PCDH15: variants seen among roughly 807,000 people sequenced by gnomAD.
The protein encoded by PCDH15 is protocadherin-15.
PCDH15 carries 129 observed loss-of-function variants against 178.5 expected under a neutral mutation model. That is an observed-to-expected ratio of 0.72 (90% CI 0.63 to 0.84). PCDH15 has a LOEUF of 0.84. Ranked by LOEUF, PCDH15 falls within the 40% of genes least tolerant of loss-of-function variation. The pLI, the probability that PCDH15 is intolerant of heterozygous loss-of-function variation, is 0.00. For missense variants in PCDH15, 2,230 were observed against 2,099.9 expected, an observed-to-expected ratio of 1.06 and a Z score of -1.21; for synonymous variants, 800 against 732.0, an observed-to-expected ratio of 1.09 and a Z score of -1.50.
At chr10:55,324,276 A>T (rs1250138676), upstream of PCDH15, among the ~76,000 whole-genome samples, 2 of 152,138 alleles carry the variant, frequency 1.3e-5, no homozygotes, top group African/African-American at 2.4e-5. Flanking sequence ...TAAATGTCCC[A>T]ATTAAAAGTC....
intron 8 of PCDH15, among the ~76,000 whole-genome samples, chr10:54,238,411 A>G (rs1482221587): frequency 2.6e-5 from 4 of 152,052 alleles, no homozygotes; most frequent in African/African-American, 9.7e-5. Flanking sequence ...TTTAAACACC[A>G]TAGACATTGT....
At chr10:54,963,525 C>T (rs1438654574) in intron 2 of PCDH15, among the ~76,000 whole-genome samples, 1 of 152,106 alleles carries the variant, frequency 6.6e-6, no homozygotes, top group Non-Finnish European at 1.5e-5. Context: ...AAACAATTCA[C>T]TTGACTGAAG....
chr10:55,098,919 AGAG>A (rs1842512180), intron 2 of PCDH15, among the ~76,000 whole-genome samples: 1 of 147,152 alleles, frequency 6.8e-6, no homozygotes, highest in Non-Finnish European at 1.5e-5. Context: ...AGAGAGAGAG[AGAG>A]AGAGAGAGAG....
At chr10:54,587,158 T>G (rs998735747) in intron 2 of PCDH15, among the ~76,000 whole-genome samples, 10 of 151,454 alleles carry the variant, frequency 6.6e-5, no homozygotes, top group African/African-American at 2.5e-4. Context: ...TGGCATCATC[T>G]TTTTAAATGT....
chr10:53,924,278 G>C (rs1341465618), intron 25 of PCDH15, among the ~76,000 whole-genome samples: 1 of 152,220 alleles, frequency 6.6e-6, no homozygotes. Context: ...ACTCAGAGCG[G>C]CCGGCTGGCA....
chr10:55,156,231 T>C lies in PCDH15; in HGVS notation c.-80+10345A>G, dbSNP rs115568327. Among the ~76,000 whole-genome samples the C allele has an allele frequency of 3.6e-3, 541 of 152,302 alleles. 3 individuals are homozygous for C. The highest frequency in any genetic ancestry group is 0.013 in the African/African-American group (525 of 41,582). On this transcript the variant is annotated intron_variant, in intron 2 of 5. Coordinates refer to the PCDH15 transcript ENST00000458638. ...GGAATATTTAGCTTTAGGAGGTTTCTATCTTGTTAAAACTTTTGGAAAAAT... is the reference window on the plus strand; with the variant it reads ...GGAATATTTAGCTTTAGGAGGTTTCCATCTTGTTAAAACTTTTGGAAAAAT...
chr10:54,635,835 G>A (rs2093837884), intron 2 of PCDH15, among the ~76,000 whole-genome samples: 1 of 151,720 alleles, frequency 6.6e-6, no homozygotes, highest in South Asian at 2.1e-4. Flanking sequence ...ATCATTCAGA[G>A]GTGACCTCCA....
At chr10:54,170,729 G>C (rs948404196) in intron 13 of PCDH15, among the ~76,000 whole-genome samples, 14 of 151,886 alleles carry the variant, frequency 9.2e-5, no homozygotes, top group Admixed American at 6.6e-4. Flanking sequence ...CCCTGATCAC[G>C]CTTGATTTAT....
At chr10:54,379,985 G>T (rs887522474) in intron 3 of PCDH15, among the ~76,000 whole-genome samples, 1 of 151,968 alleles carries the variant, frequency 6.6e-6, no homozygotes, top group African/African-American at 2.4e-5. Context: ...AGTATCTGTT[G>T]CATTTTCTTA....
chr10:54,044,681 A>G (rs1432361294), intron 18 of PCDH15, among the ~76,000 whole-genome samples: 1 of 152,124 alleles, frequency 6.6e-6, no homozygotes, highest in Admixed American at 6.6e-5. Flanking sequence ...AAGTGCAAAG[A>G]TCTATAAGGA....
At chr10:54,993,770 T>C (rs1257313843) in intron 2 of PCDH15, among the ~76,000 whole-genome samples, 1 of 152,084 alleles carries the variant, frequency 6.6e-6, no homozygotes, top group African/African-American at 2.4e-5. Context: ...GAATTAGTAA[T>C]ACAGAAATGA....
At chr10:54,362,625 C>G (rs895837875) in intron 5 of PCDH15, among the ~76,000 whole-genome samples, 1 of 151,894 alleles carries the variant, frequency 6.6e-6, no homozygotes, top group Non-Finnish European at 1.5e-5. Flanking sequence ...CACTTGGGAC[C>G]CTTTGCGTTG....
chr10:54,218,866 G>A lies in PCDH15; in HGVS notation c.986-4818C>T, dbSNP rs757595472. Reference sequence around the variant, plus strand: ...CCAAGGAAAGTACAATCAAGATGACGAGAAACTCTATAATATAAACAACTT... The same window carrying A: ...CCAAGGAAAGTACAATCAAGATGACAAGAAACTCTATAATATAAACAACTT... On this transcript the variant is annotated intron_variant, in intron 9 of 37. Transcript: ENST00000644397. Among the ~76,000 whole-genome samples, 22 of 152,038 alleles carry A rather than the reference G, an allele frequency of 1.4e-4. 1 individual carries two copies. Among genetic ancestry groups the A allele is most frequent in the Admixed American group, 1.0e-3 (16 of 15,260 alleles).
intron 1 of PCDH15, among the ~76,000 whole-genome samples, chr10:55,256,590 C>G (rs902432094): frequency 1.3e-5 from 2 of 152,184 alleles, no homozygotes; most frequent in Non-Finnish European, 2.9e-5. Flanking sequence ...CCGCACCTGG[C>G]TCGGAGGGTC....
At chr10:53,824,503 T>A (rs986548260) in intron 32 of PCDH15, among the ~76,000 whole-genome samples, 2 of 152,176 alleles carry the variant, frequency 1.3e-5, no homozygotes, top group African/African-American at 2.4e-5. Flanking sequence ...GCCACAGTTG[T>A]TAATGTGTCT....
chr10:54,085,921 T>C (rs1158903330), intron 16 of PCDH15, among the ~76,000 whole-genome samples: 1 of 152,170 alleles, frequency 6.6e-6, no homozygotes, highest in Non-Finnish European at 1.5e-5. Context: ...TAATATGGTA[T>C]TTAAAGTATA....
intron 2 of PCDH15, among the ~76,000 whole-genome samples, chr10:54,928,785 A>G (rs1040880460): frequency 6.6e-6 from 1 of 152,124 alleles, no homozygotes; most frequent in Non-Finnish European, 1.5e-5. Flanking sequence ...CAGGTTGATT[A>G]TGTTCCTTTC....
At chr10:54,280,775 T>C (rs1310032831) in intron 8 of PCDH15, among the ~76,000 whole-genome samples, 2 of 151,034 alleles carry the variant, frequency 1.3e-5, no homozygotes, top group Non-Finnish European at 2.9e-5. Context: ...TGCAAGCCAG[T>C]ATTTTACATT....
At chr10:54,397,971 T>C (rs538121348) in intron 3 of PCDH15, among the ~76,000 whole-genome samples, 47 of 152,092 alleles carry the variant, frequency 3.1e-4, no homozygotes, top group African/African-American at 1.1e-3. Context: ...AGTAAATCAA[T>C]TTGGTTCACT....
Sources: allele counts gnomAD v4.1 joint callset (sites outside exome capture counted in the v4.1 genomes callset), GRCh38; gene constraint gnomAD v4.1.1; transcripts MANE v1.5; gene names NCBI Gene and HGNC (gene_info 2026-07-23, HGNC 2026-07-21).